The following CDH9 variants were observed in gnomAD, a reference collection of about 807,000 sequenced individuals.
The protein encoded by CDH9 is cadherin 9, also known as cadherin-9.
A neutral mutation model predicts 70.9 loss-of-function variants in CDH9; 28 were observed. That is an observed-to-expected ratio of 0.40 (90% CI 0.29 to 0.54). The LOEUF (loss-of-function observed/expected upper bound fraction) is 0.54, where lower values mean the gene tolerates loss of function less well. Among genes scored for constraint, CDH9 ranks in the 20% least tolerant of loss-of-function variants. CDH9 has a pLI of 0.59. For synonymous variants in CDH9, 409 were observed against 343.1 expected (o/e 1.19, Z -2.12); for missense variants, 874 against 984.4 (o/e 0.89, Z 1.50).
At chr5:26,896,558 A>T (rs958409377) in intron 7 of CDH9, among the ~76,000 whole-genome samples, 1 of 138,940 alleles carries the variant, frequency 7.2e-6, no homozygotes, top group African/African-American at 2.7e-5. Context: ...TGAAATGAAA[A>T]TTTCATTTCA....
intron 11 of CDH9, among the ~76,000 whole-genome samples, chr5:26,883,040 CTTAT>C (rs1278333146): frequency 1.2e-3 from 33 of 28,364 alleles, no homozygotes; most frequent in African/African-American, 4.1e-3. Flanking sequence ...TCAGGATCAT[CTTAT>C]ATATATATAT....
At chr5:26,934,278 C>T (rs1437796799) in intron 2 of CDH9, among the ~76,000 whole-genome samples, 1 of 152,066 alleles carries the variant, frequency 6.6e-6, no homozygotes, top group African/African-American at 2.4e-5. Flanking sequence ...CCAGCCTGAA[C>T]AACATCATGA....
intron 2 of CDH9, among the ~76,000 whole-genome samples, chr5:26,937,314 A>G (rs2112031058): frequency 6.6e-6 from 1 of 152,300 alleles, no homozygotes; most frequent in East Asian, 1.9e-4. Flanking sequence ...TAAAACAATG[A>G]GACAGCACTA....
chr5:26,981,626 G>A (rs10078952), intron 2 of CDH9, among the ~76,000 whole-genome samples: 4,480 of 152,054 alleles, frequency 0.029, 192 homozygotes, highest in African/African-American at 0.1. Context: ...TATAAAACCA[G>A]AGAGTCTAAA....
chr5:26,955,410 A>G (rs1227404772), intron 2 of CDH9, among the ~76,000 whole-genome samples: 1 of 152,226 alleles, frequency 6.6e-6, no homozygotes, highest in East Asian at 1.9e-4. Context: ...CAGCAGGGCC[A>G]CATTCCTTTC....
At chr5:26,914,342 TA>T (rs937776097) in intron 3 of CDH9, among the ~76,000 whole-genome samples, 1 of 151,582 alleles carries the variant, frequency 6.6e-6, no homozygotes, top group East Asian at 1.9e-4. Context: ...ATAAACCCAT[TA>T]AAAAAAACAT....
chr5:26,916,160 A>T (rs1741145668), intron 2 of CDH9, among the ~76,000 whole-genome samples: 1 of 152,024 alleles, frequency 6.6e-6, no homozygotes, highest in Admixed American at 6.6e-5. Flanking sequence ...TGTGAAAATT[A>T]ATATGTATCT....
At chr5:26,914,231 A>G (rs542071722) in intron 3 of CDH9, among the ~76,000 whole-genome samples, 71 of 152,192 alleles carry the variant, frequency 4.7e-4, no homozygotes, top group African/African-American at 1.6e-3. Context: ...AAGAGAAACA[A>G]TAATATTTTA....
In CDH9 at chr5:26,993,773, T is replaced by C. The variant is rs116648295; in HGVS notation, c.-49-5391A>G. ...AATGACTCGAAAGATAATTCAGGTATGTGTTGTTGGTTTCAAAGGAGGGAC... is the reference window on the plus strand; with the variant it reads ...AATGACTCGAAAGATAATTCAGGTACGTGTTGTTGGTTTCAAAGGAGGGAC... On this transcript the variant is annotated intron_variant, in intron 1 of 11. Coordinates refer to ENST00000231021, the MANE Select transcript of CDH9 (RefSeq NM_016279.4). 4.8e-3 allele frequency among the ~76,000 whole-genome samples: 712 copies of C among 149,192 alleles called. 3 individuals carry two copies. The highest frequency in any genetic ancestry group is 0.01 in the Middle Eastern group (3 of 286).
chr5:26,903,312 A>G, intron 6 of CDH9: 1 of 386,980 alleles, frequency 2.6e-6, no homozygotes, highest in South Asian at 2.3e-5. Flanking sequence ...CTTACAATGA[A>G]AATATTTTGA....
At chr5:27,023,548 T>C (rs1450175915) in intron 1 of CDH9, among the ~76,000 whole-genome samples, 1 of 152,108 alleles carries the variant, frequency 6.6e-6, no homozygotes, top group Non-Finnish European at 1.5e-5. Context: ...CTACTCTTTT[T>C]TGTTTATTTG....
intron 2 of CDH9, among the ~76,000 whole-genome samples, chr5:26,979,623 C>A (rs968131649): frequency 2.6e-5 from 4 of 151,614 alleles, no homozygotes; most frequent in African/African-American, 7.3e-5. Context: ...AACTCTGAGC[C>A]CTTTATATGA....
intron 2 of CDH9, among the ~76,000 whole-genome samples, chr5:26,978,724 T>C (rs1021215653): frequency 6.6e-6 from 1 of 151,336 alleles, no homozygotes; most frequent in East Asian, 1.9e-4. Context: ...AGCAAAGATA[T>C]AAATAGAACT....
At chr5:26,921,261 A>G (rs1415326958) in intron 2 of CDH9, among the ~76,000 whole-genome samples, 1 of 152,118 alleles carries the variant, frequency 6.6e-6, no homozygotes, top group African/African-American at 2.4e-5. Flanking sequence ...ATGCCCAGTA[A>G]TTACTCACTC....
At chr5:27,027,243 T>A (rs1743235573) in intron 1 of CDH9, among the ~76,000 whole-genome samples, 1 of 152,030 alleles carries the variant, frequency 6.6e-6, no homozygotes, top group African/African-American at 2.4e-5. Flanking sequence ...AACACAAAAT[T>A]GTTCAAAATA....
intron 7 of CDH9, among the ~76,000 whole-genome samples, chr5:26,896,897 G>C (rs1415888206): frequency 6.6e-6 from 1 of 151,678 alleles, no homozygotes. Context: ...TTTTTGAAAA[G>C]ATTAAGAAAT....
chr5:26,988,486 T>G lies in CDH9; in HGVS notation c.-49-104A>C, dbSNP rs966484246. On this transcript the variant is annotated intron_variant, in intron 1 of 11. Transcript: ENST00000231021. Reference sequence around the variant, plus strand: ...TCCAGACATTATTTAAATTTTATTATGTACTATATATACATTATATTTCTA... The same window carrying G: ...TCCAGACATTATTTAAATTTTATTAGGTACTATATATACATTATATTTCTA... The G allele has an allele frequency of 1.2e-5, 12 of 986,818 alleles. No individual in the cohort carries two copies. The African/African-American group carries it at 2.0e-4, about 16-fold the overall frequency. The allele number at this position is 986,818 out of a possible 1,614,324, so 61.1% of individuals were successfully genotyped here.
intron 1 of CDH9, among the ~76,000 whole-genome samples, chr5:26,990,062 G>A (rs536237224): frequency 1.1e-4 from 16 of 152,202 alleles, no homozygotes; most frequent in East Asian, 9.7e-4. Context: ...CTTAAACACC[G>A]TTTTTAATAT....
At chr5:26,941,100 A>G (rs1741655142) in intron 2 of CDH9, among the ~76,000 whole-genome samples, 1 of 152,230 alleles carries the variant, frequency 6.6e-6, no homozygotes, top group African/African-American at 2.4e-5. Context: ...TCACTTTCAG[A>G]TGGCTTCAAA....
Sources: allele counts gnomAD v4.1 joint callset (sites outside exome capture counted in the v4.1 genomes callset), GRCh38; gene constraint gnomAD v4.1.1; transcripts MANE v1.5; gene names NCBI Gene and HGNC (gene_info 2026-07-23, HGNC 2026-07-21).